The following POLR1A variants were observed in gnomAD, a reference collection of about 807,000 sequenced individuals.
POLR1A encodes DNA-directed RNA polymerase I subunit RPA1.
Under a neutral mutation model 205.3 loss-of-function variants are expected in POLR1A, and 84 were observed. That is an observed-to-expected ratio of 0.41 (90% confidence interval 0.34 to 0.49). The LOEUF (loss-of-function observed/expected upper bound fraction) is 0.49, where lower values mean the gene tolerates loss of function less well. POLR1A is among the 20% of genes least tolerant of loss of function. The probability of loss-of-function intolerance (pLI) is 0.22; values close to 1 mark genes in which losing one functional copy is unlikely to be tolerated. For synonymous variants in POLR1A, 799 were observed against 863.7 expected (o/e 0.93, Z 1.31); for missense variants, 1,645 against 2,204.5 (o/e 0.75, Z 5.08).
rs570058205 is a variant in POLR1A at position 86,054,689 on chromosome 2, T to C, written c.2059-400A>G. Among the ~76,000 whole-genome samples the C allele has an allele frequency of 3.9e-5, 6 of 152,380 alleles. No individual in the cohort carries two copies. In the South Asian group the frequency reaches 1.2e-3, roughly 32 times the overall value. On this transcript the variant is annotated intron_variant, in intron 14 of 33. Transcript: ENST00000263857. ...TATGACTGGAATTAATTATAGCTAC[T>C]GAAAAGCCAAGGAATCTTTCCCTGG...
intron 19 of POLR1A, 152 bp from the exon 20 acceptor site, chr2:86,045,921 A>G: frequency 1.6e-6 from 1 of 631,232 alleles, no homozygotes; most frequent in Non-Finnish European, 2.7e-6. Flanking sequence ...ACAAACCAGG[A>G]AGCCTTCATT....
At chr2:86,083,227 A>T in intron 6 of POLR1A, 59 bp from the exon 7 acceptor site, 2 of 1,166,292 alleles carry the variant, frequency 1.7e-6, no homozygotes, top group East Asian at 2.3e-5. Flanking sequence ...TCTTTCTGCA[A>T]TGGGATTTAT....
chr2:86,053,592 G>A (rs765901288), intron 15 of POLR1A, among the ~76,000 whole-genome samples: 61 of 152,182 alleles, frequency 4.0e-4, no homozygotes, highest in Non-Finnish European at 6.3e-4. Flanking sequence ...CACCCATGAA[G>A]CATATGGTCT....
chr2:86,046,670 C>G (rs1438215388), intron 19 of POLR1A, among the ~76,000 whole-genome samples: 1 of 151,886 alleles, frequency 6.6e-6, no homozygotes, highest in Non-Finnish European at 1.5e-5. Context: ...ATGGTGAAAC[C>G]CCGTCTCTAC....
rs542844780 is a variant in POLR1A, at chr2:86,050,239, G to A, written c.2393-997C>T. ...CCAAAACTAGTTCTTTTCTGCAACT[G>A]TAAGTGCTACTGGACTCAAGAGTCC... is the stretch of plus-strand genomic sequence containing the variant. On this transcript the variant is annotated intron_variant, in intron 16 of 33. Coordinates refer to ENST00000263857, the MANE Select transcript of POLR1A (RefSeq NM_015425.6). 4.6e-5 allele frequency among the ~76,000 whole-genome samples: 7 copies of A among 152,310 alleles called. No individual in the cohort carries two copies. In the East Asian group the frequency reaches 1.4e-3, roughly 29 times the overall value.
In POLR1A at chr2:86,028,586, C is replaced by T. The variant is rs770491584; in HGVS notation, c.4897+8G>A. On this transcript the variant is annotated splice_region_variant and intron_variant, in intron 32 of 33. Coordinates refer to ENST00000263857, the MANE Select transcript of POLR1A (RefSeq NM_015425.6). The surrounding 1 kb of genome is among the most constrained non-coding windows in gnomAD (Gnocchi z 4.5). ...GACCTCGGGGTGTTATCTGCAAGCT[C>T]CCCTTACCATACACGGCAAACACAT... The T allele has an allele frequency of 6.2e-7, 1 of 1,604,492 alleles. No individual in the cohort carries two copies. Among genetic ancestry groups the T allele is most frequent in the South Asian group, 1.1e-5 (1 of 90,898 alleles).
chr2:86,102,329 C>A (rs58919291), intron 1 of POLR1A, among the ~76,000 whole-genome samples: 1 of 152,172 alleles, frequency 6.6e-6, no homozygotes, highest in Non-Finnish European at 1.5e-5. Context: ...ATAGTAGCAC[C>A]CTACTGGATT....
At position 86,023,599 on chromosome 2, in the gene POLR1A, T is replaced by C. The variant is rs759400215; in HGVS notation, c.*3824A>G. The C allele has an allele frequency of 3.9e-5, 6 of 152,058 alleles. No individual in the cohort carries two copies. Among genetic ancestry groups the C allele is most frequent in the Admixed American group, 1.3e-4 (2 of 15,270 alleles). 9.4% of individuals were successfully genotyped at this position (152,058 alleles called of 1,614,324 possible). A position where few individuals can be genotyped will look rare whatever the true frequency, so the allele number is the denominator to read the frequency against. On this transcript the variant is annotated 3_prime_UTR_variant, in exon 34 of 34. Coordinates refer to ENST00000263857, the MANE Select transcript of POLR1A (RefSeq NM_015425.6). ...TAACAAGAACAAGGATGTGGAGAAA[T>C]TGAAATTGTTGTACACCGTTGGTGG...
intron 31 of POLR1A, 122 bp downstream of exon 31, chr2:86,030,074 A>AC: frequency 1.3e-6 from 1 of 778,532 alleles, no homozygotes; most frequent in Non-Finnish European, 2.1e-6. Context: ...GCCTGGAAGC[A>AC]CAAATGGCTC....
intron 16 of POLR1A, 103 bp from the exon 17 acceptor site, chr2:86,049,345 C>T: frequency 5.2e-6 from 4 of 762,836 alleles, no homozygotes; most frequent in Non-Finnish European, 9.3e-6. Context: ...GCCACAGATG[C>T]AGGAAATACC....
At position 86,081,558 on chromosome 2, in the gene POLR1A, T is replaced by C. The variant is rs17026870; in HGVS notation, c.923+43A>G. On this transcript the variant is annotated intron_variant, in intron 8 of 33. Coordinates refer to ENST00000263857, the MANE Select transcript of POLR1A (RefSeq NM_015425.6). ...TAGAGGTCACATTTCAGTTCCTTAG[T>C]ACGCTTTTTTTCAGGTGAAATAAGT... is the stretch of plus-strand genomic sequence containing the variant. 2,111 of 1,268,852 alleles carry C rather than the reference T, an allele frequency of 1.7e-3. 22 individuals are homozygous for C. In the African/African-American group the frequency reaches 0.026, roughly 16 times the overall value. 78.6% of individuals were successfully genotyped at this position (1,268,852 alleles called of 1,614,324 possible). A position where few individuals can be genotyped will look rare whatever the true frequency, so the allele number is the denominator to read the frequency against.
At position 86,026,901 on chromosome 2, in the gene POLR1A, G is replaced by A. The variant is rs1672263985; in HGVS notation, c.*522C>T. Reference sequence around the variant, plus strand: ...CTCTTTGTGGACTCTGCCCCCAGGGGCTGGAGCAGCCGGAAGGAGCAGGCC... The same window carrying A: ...CTCTTTGTGGACTCTGCCCCCAGGGACTGGAGCAGCCGGAAGGAGCAGGCC... On this transcript the variant is annotated 3_prime_UTR_variant, in exon 34 of 34. Coordinates refer to ENST00000263857, the MANE Select transcript of POLR1A (RefSeq NM_015425.6). 1.2e-5 allele frequency: 2 copies of A among 168,802 alleles called. No individual in the cohort carries two copies. Among genetic ancestry groups the A allele is most frequent in the South Asian group, 2.9e-4 (2 of 6,934 alleles). 10.5% of individuals were successfully genotyped at this position (168,802 alleles called of 1,614,324 possible). A position where few individuals can be genotyped will look rare whatever the true frequency, so the allele number is the denominator to read the frequency against.
chr2:86,089,796 A>G (rs1212746665), intron 4 of POLR1A, 26 bp downstream of exon 4: 1 of 1,341,846 alleles, frequency 7.5e-7, no homozygotes. Flanking sequence ...CCAAAACAGC[A>G]TGGGAGAAAG....
rs1322237804 is a variant in POLR1A, at chr2:86,075,070, G to T, written c.1571C>A (p.Thr524Asn). 6.2e-7 allele frequency: 1 copy of T among 1,611,996 alleles called. No homozygotes were observed. Among genetic ancestry groups the T allele is most frequent in the Non-Finnish European group, 8.5e-7 (1 of 1,179,836 alleles). The change falls in exon 12 of 34, where the codon ACC (threonine) becomes AAC (asparagine). Residue 524 changes from threonine to asparagine, a missense_variant. By Grantham distance (65) the Thr-to-Asn change is moderately conservative. Around this residue, in one of 16 missense-constraint regions of POLR1A, gnomAD observed 131 missense variants for 214.5 expected, o/e 0.61. Coordinates refer to ENST00000263857, the MANE Select transcript of POLR1A (RefSeq NM_015425.6). ...QREAVAKQLL[T>N]PATGAPKPQG... ...GGGCTTAGGTGCCCCCGTGGCTGGG[G>T]TCAGAAGCTGCTTGGCCACGGCCTC...
At chr2:86,092,755 G>T (rs1359375850) in intron 3 of POLR1A, among the ~76,000 whole-genome samples, 2 of 152,220 alleles carry the variant, frequency 1.3e-5, no homozygotes, top group African/African-American at 2.4e-5. Context: ...AACCCGGGAG[G>T]TGGAGGCTGC....
chr2:86,029,683 G>A (rs1164372638), intron 31 of POLR1A, among the ~76,000 whole-genome samples: 2 of 148,576 alleles, frequency 1.3e-5, no homozygotes, highest in Admixed American at 6.8e-5. Context: ...TGCAAGCTCC[G>A]CCTCCTGGGT....
rs1199255073 is a variant in POLR1A, at chr2:86,022,974, C to CGG, written c.*4447_*4448dup. ...CGGCTCACTGCAACCTCCAACTCCC[C>CGG]GGTTCAAGTGATTCTCCTGCCTCAG... On this transcript the variant is annotated 3_prime_UTR_variant, in exon 34 of 34. Coordinates refer to ENST00000263857, the MANE Select transcript of POLR1A (RefSeq NM_015425.6). The CGG allele has an allele frequency of 1.3e-5, 2 of 152,082 alleles. No homozygotes were observed. Among genetic ancestry groups the CGG allele is most frequent in the Non-Finnish European group, 2.9e-5 (2 of 68,018 alleles). 9.4% of individuals were successfully genotyped at this position (152,082 alleles called of 1,614,324 possible). A position where few individuals can be genotyped will look rare whatever the true frequency, so the allele number is the denominator to read the frequency against.
chr2:86,031,452 G>T lies in POLR1A; in HGVS notation c.4456C>A (p.Pro1486Thr). ...LPALLTQPRK[P>T]THSQEPQGPE... is the part of the protein sequence containing the mutation. ...CCCTGGGGCTCCTGGCTGTGGGTGG[G>T]TTTCCGGGGCTGCGTCAGGAGGGCG... is the stretch of plus-strand genomic sequence containing the variant. The change falls in exon 30 of 34, where the codon CCC becomes ACC. Residue 1486 changes from proline (P) to threonine (T), a missense_variant. This residue lies in a region of POLR1A where 394 missense variants were observed against 468.5 expected (regional missense o/e 0.84). Coordinates refer to ENST00000263857, the MANE Select transcript of POLR1A (RefSeq NM_015425.6). The T allele has an allele frequency of 6.2e-7, 1 of 1,614,194 alleles. No individual in the cohort carries two copies.
At chr2:86,093,476 A>G (rs1283739452) in intron 3 of POLR1A, among the ~76,000 whole-genome samples, 2 of 152,212 alleles carry the variant, frequency 1.3e-5, no homozygotes, top group Non-Finnish European at 2.9e-5. Context: ...CTTAGCACTG[A>G]TAAATTATTA....
Sources: gnomAD v4.1 joint callset for allele counts (sites outside exome capture counted in the v4.1 genomes callset) on GRCh38, gnomAD v4.1.1 for gene constraint, gnomAD v4.1.1 regional missense constraint, Gnocchi (gnomAD v3.1) non-coding constraint, MANE v1.5 for transcripts, NCBI Gene and HGNC (gene_info 2026-07-23, HGNC 2026-07-21) for gene names.